TENM2: variants seen among roughly 807,000 people sequenced by gnomAD.
TENM2 encodes teneurin transmembrane protein 2.
Under a neutral mutation model 245.2 loss-of-function variants are expected in TENM2, and 52 were observed. The ratio of observed to expected loss-of-function variants is 0.21; its 90% CI spans 0.17 to 0.27. The LOEUF (loss-of-function observed/expected upper bound fraction) is 0.27. TENM2 is among the 10% of genes least tolerant of loss of function. The pLI, the probability that TENM2 is intolerant of heterozygous loss-of-function variation, is 1.00. For synonymous variants in TENM2, 1,363 were observed against 1,438.9 expected (o/e 0.95, Z 1.19); for missense variants, 3,046 against 3,666.8 (o/e 0.83, Z 4.37).
At chr5:167,302,058 G>A (rs985103980) in intron 1 of TENM2, among the ~76,000 whole-genome samples, 1 of 152,124 alleles carries the variant, frequency 6.6e-6, no homozygotes, top group Non-Finnish European at 1.5e-5. Context: ...GGGAGGGAAA[G>A]AAGGAAGATT....
intron 11 of TENM2, 38 bp downstream of exon 13, chr5:168,125,088 T>C: frequency 6.5e-7 from 1 of 1,538,598 alleles, no homozygotes; most frequent in Non-Finnish European, 8.9e-7. Flanking sequence ...TCTCCAACAC[T>C]CCTGCCCTGT....
At chr5:167,879,655 A>T (rs948942465) in intron 3 of TENM2, among the ~76,000 whole-genome samples, 1 of 152,142 alleles carries the variant, frequency 6.6e-6, no homozygotes, top group African/African-American at 2.4e-5. Context: ...GCTTTCCTCT[A>T]CCTGTGAAAC....
chr5:167,419,208 T>C (rs1763345962), intron 2 of TENM2, among the ~76,000 whole-genome samples: 1 of 152,132 alleles, frequency 6.6e-6, no homozygotes, highest in African/African-American at 2.4e-5. Context: ...ATGCCTGTAA[T>C]TCCAGCACTT....
At chr5:168,040,979 T>C (rs139706560) in intron 5 of TENM2, among the ~76,000 whole-genome samples, 1 of 152,330 alleles carries the variant, frequency 6.6e-6, no homozygotes, top group Non-Finnish European at 1.5e-5. Flanking sequence ...AATGGCTGCT[T>C]ACAAAGGGAA....
chr5:167,633,492 A>G (rs948099675), intron 2 of TENM2, among the ~76,000 whole-genome samples: 2 of 152,176 alleles, frequency 1.3e-5, no homozygotes, highest in African/African-American at 4.8e-5. Context: ...CAAATCAGTC[A>G]AAATATTCTT....
chr5:167,664,318 A>G (rs1487298451), intron 2 of TENM2, among the ~76,000 whole-genome samples: 3 of 152,250 alleles, frequency 2.0e-5, no homozygotes, highest in Admixed American at 2.0e-4. Flanking sequence ...AGAATTCAGC[A>G]TTAGATAAAC....
At chr5:167,788,100 T>C (rs980382776) in intron 2 of TENM2, among the ~76,000 whole-genome samples, 1 of 152,222 alleles carries the variant, frequency 6.6e-6, no homozygotes. Context: ...TTTTATTTAC[T>C]ACACTATTTG....
intron 2 of TENM2, among the ~76,000 whole-genome samples, chr5:167,568,954 T>C (rs1011440163): frequency 1.3e-5 from 2 of 152,010 alleles, no homozygotes; most frequent in Admixed American, 6.6e-5. Flanking sequence ...CTTAAAAGGA[T>C]GACTATCAGC....
chr5:167,974,021 G>GAGGAGGGAAGGGAGGA (rs1562000826), intron 4 of TENM2, among the ~76,000 whole-genome samples: 3 of 64,242 alleles, frequency 4.7e-5, no homozygotes, highest in Non-Finnish European at 7.5e-5. Context: ...GGGAGGGAGG[G>GAGGAGGGAAGGGAGGA]AGGAAGGAAG....
At chr5:167,228,489 A>T in the TENM2 span, among the ~76,000 whole-genome samples, 1 of 151,160 alleles carries the variant, frequency 6.6e-6, no homozygotes, top group Admixed American at 6.6e-5. Context: ...TTATTCTGTG[A>T]TTTCTTTGTA....
intron 2 of TENM2, among the ~76,000 whole-genome samples, chr5:167,479,881 GAGT>G (rs1767650219): frequency 6.6e-6 from 1 of 152,136 alleles, no homozygotes; most frequent in African/African-American, 2.4e-5. Context: ...CGTGTCTAGG[GAGT>G]GGGCCATTTT....
chr5:167,607,232 C>T (rs978950946), intron 2 of TENM2, among the ~76,000 whole-genome samples: 2 of 152,130 alleles, frequency 1.3e-5, no homozygotes, highest in Admixed American at 6.5e-5. Context: ...TGACAAATGG[C>T]AGCTGGCATT....
At chr5:168,002,746 T>G (rs1046426674) in intron 5 of TENM2, among the ~76,000 whole-genome samples, 2 of 152,236 alleles carry the variant, frequency 1.3e-5, no homozygotes, top group African/African-American at 4.8e-5. Flanking sequence ...TACATTAATT[T>G]TATGTTAATT....
chr5:167,637,237 A>G (rs1779259801), intron 2 of TENM2, among the ~76,000 whole-genome samples: 1 of 152,234 alleles, frequency 6.6e-6, no homozygotes, highest in South Asian at 2.1e-4. Flanking sequence ...ATATGCTAGT[A>G]TTAAAAAGAG....
chr5:168,208,222 C>T (rs1328139120), intron 19 of TENM2, among the ~76,000 whole-genome samples: 1 of 152,162 alleles, frequency 6.6e-6, no homozygotes, highest in Non-Finnish European at 1.5e-5. Context: ...CTTAGCTTAG[C>T]TCCTTTTAAT....
At chr5:167,071,015 A>T in the TENM2 span, among the ~76,000 whole-genome samples, 6 of 152,174 alleles carry the variant, frequency 3.9e-5, no homozygotes, top group Non-Finnish European at 7.3e-5. Context: ...ACCGTACTAC[A>T]GGTTCCTCTG....
chr5:168,142,171 G>GGGA (rs1282153790), intron 12 of TENM2, among the ~76,000 whole-genome samples: 1 of 152,236 alleles, frequency 6.6e-6, no homozygotes, highest in Non-Finnish European at 1.5e-5. Flanking sequence ...GTGAAACTCA[G>GGGA]GGAGGCCCAA....
intron 3 of TENM2, among the ~76,000 whole-genome samples, chr5:167,901,258 C>T (rs1038957955): frequency 3.3e-5 from 5 of 152,028 alleles, no homozygotes; most frequent in East Asian, 1.9e-4. Context: ...GCACCTACCA[C>T]GGTTCCTAGC....
chr5:167,446,795 A>ACG (rs1469604309), intron 2 of TENM2, among the ~76,000 whole-genome samples: 2 of 130,464 alleles, frequency 1.5e-5, no homozygotes, highest in African/African-American at 3.7e-5. Flanking sequence ...TGAAACACGC[A>ACG]CACACACACA....
Sources: gnomAD v4.1 joint callset for allele counts (sites outside exome capture counted in the v4.1 genomes callset) on GRCh38, gnomAD v4.1.1 for gene constraint, MANE v1.5 for transcripts, NCBI Gene and HGNC (gene_info 2026-07-23, HGNC 2026-07-21) for gene names.